Variants in ANK2 observed in about 807,000 individuals in gnomAD.
ANK2 encodes the protein ankyrin-2.
In ANK2, 83 loss-of-function variants were observed where a neutral mutation model predicts 360.5. The ratio of observed to expected loss-of-function variants is 0.23; its 90% CI spans 0.19 to 0.28. The LOEUF is 0.28. Ranked by LOEUF, ANK2 falls within the 10% of genes least tolerant of loss-of-function variation. The pLI, the probability that ANK2 is intolerant of heterozygous loss-of-function variation, is 1.00. For synonymous variants in ANK2, 1,740 were observed against 1,759.5 expected, an observed-to-expected ratio of 0.99 and a Z score of 0.28; for missense variants, 4,201 against 4,795.7, an observed-to-expected ratio of 0.88 and a Z score of 3.66.
At position 113,356,140 on chromosome 4, in the gene ANK2, C is replaced by G; in HGVS notation, c.7522C>G (p.Arg2508Gly). 3 of 1,614,062 alleles carry G rather than the reference C, an allele frequency of 1.9e-6. No individual in the cohort carries two copies. The highest frequency in any genetic ancestry group is 2.5e-6 in the Non-Finnish European group (3 of 1,179,988). The change falls in exon 38 of 46, where the codon CGG (arginine) becomes GGG (glycine). Residue 2508 changes from arginine to glycine, a missense_variant. Arg to Gly is a moderately radical substitution (Grantham distance 125). Transcript: ENST00000357077. The stretch of plus-strand genomic sequence containing the variant: ...GACGGAAGTGGCCTCTGTGCGGTCC[C>G]GGCTACTCCGAGACCCTGATGGCAG... ...LLTEVASVRS[R>G]LLRDPDGSAE... is the part of the protein sequence containing the mutation.
At chr4:112,741,219 G>A in the ANK2 span, among the ~76,000 whole-genome samples, 1 of 152,160 alleles carries the variant, frequency 6.6e-6, no homozygotes, top group African/African-American at 2.4e-5. Context: ...TATATGCAGA[G>A]ATCCAGTTTT....
chr4:113,189,388 A>G (rs1365136392), intron 2 of ANK2, among the ~76,000 whole-genome samples: 1 of 152,202 alleles, frequency 6.6e-6, no homozygotes, highest in Non-Finnish European at 1.5e-5. Context: ...AAGTCATTGT[A>G]ATGCTCTAAT....
Position 113,140,131 on chromosome 4 carries a change from C to T in ANK2, c.85-34285C>T, listed in dbSNP as rs1433267409. 5.9e-5 allele frequency among the ~76,000 whole-genome samples: 9 copies of T among 152,270 alleles called. No homozygotes were observed. In the East Asian group the frequency reaches 9.6e-4, roughly 16 times the overall value. ...ATAAATTGTATTGAATGTACCCAAA[C>T]ACGGAAGAAAATAGCATGCTGCCTT... On this transcript the variant is annotated intron_variant, in intron 1 of 45. Transcript: ENST00000357077.
At chr4:113,166,953 C>A (rs1712874675) in intron 1 of ANK2, among the ~76,000 whole-genome samples, 1 of 152,026 alleles carries the variant, frequency 6.6e-6, no homozygotes, top group African/African-American at 2.4e-5. Flanking sequence ...ATCAGAACAA[C>A]TAATAAAAAA....
chr4:112,988,741 A>G (rs2045768430), intron 2 of ANK2, among the ~76,000 whole-genome samples: 2 of 152,244 alleles, frequency 1.3e-5, no homozygotes, highest in Admixed American at 1.3e-4. Flanking sequence ...GGAACCTAGT[A>G]GTAATCCTTT....
At chr4:113,107,743 A>T (rs899095588) in intron 1 of ANK2, among the ~76,000 whole-genome samples, 3 of 152,162 alleles carry the variant, frequency 2.0e-5, no homozygotes, top group Admixed American at 2.0e-4. Flanking sequence ...AGTATCATTT[A>T]TTGATCTGTT....
At chr4:113,232,363 G>GA (rs1303642510) in intron 5 of ANK2, 104 bp downstream of exon 5, 1 of 871,882 alleles carries the variant, frequency 1.1e-6, no homozygotes, top group African/African-American at 1.7e-5. Context: ...AATATGCTAG[G>GA]AATGTTCATG....
At chr4:112,991,320 G>C (rs990760243) in intron 2 of ANK2, among the ~76,000 whole-genome samples, 1 of 151,664 alleles carries the variant, frequency 6.6e-6, no homozygotes, top group African/African-American at 2.4e-5. Flanking sequence ...GCACTCATTT[G>C]CTGCATTCAT....
chr4:112,846,313 C>T (rs1186092283), intron 1 of ANK2, among the ~76,000 whole-genome samples: 1 of 151,948 alleles, frequency 6.6e-6, no homozygotes, highest in East Asian at 1.9e-4. Flanking sequence ...GGTTTTGCTA[C>T]GTTGCCCAGG....
intron 2 of ANK2, among the ~76,000 whole-genome samples, chr4:112,988,152 T>A (rs1363671287): frequency 6.6e-6 from 1 of 152,136 alleles, no homozygotes; most frequent in East Asian, 1.9e-4. Flanking sequence ...AGATATCTTT[T>A]AGAAATTGTT....
chr4:113,364,782 T>C (rs1454096650), intron 40 of ANK2, among the ~76,000 whole-genome samples: 1 of 152,232 alleles, frequency 6.6e-6, no homozygotes, highest in Non-Finnish European at 1.5e-5. Context: ...AAGTATTTGC[T>C]TTTTATCTGA....
At position 113,356,978 on chromosome 4, in the gene ANK2, C is replaced by T. The variant is rs1478112915; in HGVS notation, c.8360C>T (p.Ala2787Val). 1.2e-6 allele frequency: 2 copies of T among 1,614,070 alleles called. No homozygotes were observed. The highest frequency in any genetic ancestry group is 1.7e-6 in the Non-Finnish European group (2 of 1,179,968). Residue 2787 changes from alanine (A) to valine (V), a missense_variant, in exon 38 of 46, where the codon GCT becomes GTT. Physicochemically the swap from Ala to Val is moderately conservative, Grantham distance 64. This residue lies in a region of ANK2 where 2,642 missense variants were observed against 2,714.5 expected (regional missense o/e 0.97). Coordinates refer to ENST00000357077, the MANE Select transcript of ANK2 (RefSeq NM_001148.6). The part of the protein sequence containing the change: ...CEAMSPSSSA[A>V]PVSSGLQSPT... ...GCCATGAGTCCTAGCAGCTCAGCTG[C>T]TCCTGTCTCTTCAGGTCTACAGAGT...
chr4:113,365,274 T>C, intron 41 of ANK2, 92 bp downstream of exon 41: 1 of 590,760 alleles, frequency 1.7e-6, no homozygotes. Flanking sequence ...ACCTACTGTC[T>C]TTTTTTTTTT....
chr4:113,298,138 A>T (rs1260654492), intron 22 of ANK2, among the ~76,000 whole-genome samples: 1 of 152,156 alleles, frequency 6.6e-6, no homozygotes, highest in Admixed American at 6.6e-5. Flanking sequence ...AACCTGTTAT[A>T]ATTGTCTCAA....
intron 4 of ANK2, among the ~76,000 whole-genome samples, chr4:113,211,856 C>T (rs372063694): frequency 6.6e-6 from 1 of 152,154 alleles, no homozygotes; most frequent in Non-Finnish European, 1.5e-5. Context: ...AAACCTAATT[C>T]TCCATTCCCA....
At chr4:113,038,711 A>AT (rs765371567) in intron 2 of ANK2, among the ~76,000 whole-genome samples, 5 of 152,092 alleles carry the variant, frequency 3.3e-5, no homozygotes, top group Admixed American at 6.6e-5. Flanking sequence ...GGCACTTGCC[A>AT]TTTCCTGGCC....
intron 1 of ANK2, among the ~76,000 whole-genome samples, chr4:112,847,211 G>A (rs1373597472): frequency 6.6e-6 from 1 of 152,166 alleles, no homozygotes; most frequent in African/African-American, 2.4e-5. Context: ...GCTTTGTGAT[G>A]TCTTCTGTGT....
intron 2 of ANK2, among the ~76,000 whole-genome samples, chr4:112,944,872 A>G (rs1029771389): frequency 2.0e-5 from 3 of 152,230 alleles, no homozygotes; most frequent in Non-Finnish European, 2.9e-5. Context: ...AGAGTTGATT[A>G]TCTTTTAGGA....
At chr4:113,337,277 TCTATTGAA>T (rs998702130) in intron 31 of ANK2, among the ~76,000 whole-genome samples, 19 of 152,244 alleles carry the variant, frequency 1.2e-4, no homozygotes, top group African/African-American at 4.6e-4. Context: ...TTATCATTGA[TCTATTGAA>T]CTAACTTTAG....
Sources: gnomAD v4.1 joint callset for allele counts (sites outside exome capture counted in the v4.1 genomes callset) on GRCh38, gnomAD v4.1.1 for gene constraint, gnomAD v4.1.1 regional missense constraint, MANE v1.5 for transcripts, NCBI Gene and HGNC (gene_info 2026-07-23, HGNC 2026-07-21) for gene names.